CERS6: variants seen among roughly 807,000 people sequenced by gnomAD.
CERS6 encodes the protein LAG1 homolog, ceramide synthase 6.
Under a neutral mutation model 56.8 loss-of-function variants are expected in CERS6, and 26 were observed. The ratio of observed to expected loss-of-function variants is 0.46; its 90% CI spans 0.34 to 0.63. The LOEUF is 0.63. Among genes scored for constraint, CERS6 ranks in the 30% least tolerant of loss-of-function variants. The probability of loss-of-function intolerance (pLI) is 0.01; values close to 1 mark genes in which losing one functional copy is unlikely to be tolerated. For synonymous variants in CERS6, 164 were observed against 173.3 expected, an observed-to-expected ratio of 0.95 and a Z score of 0.42; for missense variants, 415 against 467.5, an observed-to-expected ratio of 0.89 and a Z score of 1.04.
chr2:168,647,847 C>T (rs1047867913), intron 4 of CERS6, among the ~76,000 whole-genome samples: 2 of 152,122 alleles, frequency 1.3e-5, no homozygotes, highest in African/African-American at 2.4e-5. Flanking sequence ...AACTTTGCAT[C>T]CCGGGGATGA....
chr2:168,718,192 T>G (rs1248359573), intron 8 of CERS6, among the ~76,000 whole-genome samples: 1 of 152,162 alleles, frequency 6.6e-6, no homozygotes, highest in South Asian at 2.1e-4. Context: ...GGATGTGGCT[T>G]GCATGGCTTC....
At chr2:168,743,214 A>ATG (rs111304857) in intron 8 of CERS6, among the ~76,000 whole-genome samples, 10,435 of 130,810 alleles carry the variant, frequency 0.08, 710 homozygotes, top group African/African-American at 0.18. Context: ...GTGTGTGTGT[A>ATG]TGTGTGTGTG....
At chr2:168,546,337 G>C (rs1327667890) in intron 1 of CERS6, among the ~76,000 whole-genome samples, 1 of 152,156 alleles carries the variant, frequency 6.6e-6, no homozygotes, top group Non-Finnish European at 1.5e-5. Context: ...ATCGGGAAGG[G>C]GTGATTCTTC....
chr2:168,699,155 C>T (rs968186787), intron 6 of CERS6, among the ~76,000 whole-genome samples: 8 of 152,118 alleles, frequency 5.3e-5, no homozygotes, highest in African/African-American at 9.7e-5. Context: ...ATCCTTATTC[C>T]GCCTCCATTT....
At chr2:168,713,511 CAG>C (rs1379336701) in intron 6 of CERS6, among the ~76,000 whole-genome samples, 3 of 152,112 alleles carry the variant, frequency 2.0e-5, no homozygotes, top group Non-Finnish European at 4.4e-5. Context: ...TTCTAAGCAA[CAG>C]AAATTCCATA....
intron 1 of CERS6, among the ~76,000 whole-genome samples, chr2:168,473,167 C>T (rs1694008193): frequency 6.6e-6 from 1 of 152,008 alleles, no homozygotes; most frequent in Admixed American, 6.6e-5. Flanking sequence ...ATCATCTTGT[C>T]TATAATCATT....
intron 1 of CERS6, among the ~76,000 whole-genome samples, chr2:168,461,235 C>CTA (rs1212370575): frequency 6.6e-6 from 1 of 152,134 alleles, no homozygotes. Flanking sequence ...ATGTTAAACC[C>CTA]TATAAGTGTT....
intron 1 of CERS6, among the ~76,000 whole-genome samples, chr2:168,546,979 G>A (rs556699168): frequency 6.6e-6 from 1 of 152,138 alleles, no homozygotes; most frequent in Non-Finnish European, 1.5e-5. Flanking sequence ...TTTTGTGGAT[G>A]TTCATAAACA....
At chr2:168,593,472 A>T (rs897320217) in intron 3 of CERS6, among the ~76,000 whole-genome samples, 1 of 152,188 alleles carries the variant, frequency 6.6e-6, no homozygotes, top group Non-Finnish European at 1.5e-5. Flanking sequence ...AAGAGGCATC[A>T]TGTACCTGCT....
chr2:168,768,168 A>G (rs1684769276), intron 9 of CERS6, among the ~76,000 whole-genome samples: 2 of 152,018 alleles, frequency 1.3e-5, no homozygotes, highest in African/African-American at 4.8e-5. Flanking sequence ...CATGTGACTT[A>G]GTGAGATTGA....
intron 4 of CERS6, among the ~76,000 whole-genome samples, chr2:168,654,923 G>A (rs1379504111): frequency 6.6e-6 from 1 of 152,226 alleles, no homozygotes; most frequent in Non-Finnish European, 1.5e-5. Flanking sequence ...TACATCTCAT[G>A]TACAACCAGG....
At chr2:168,535,668 A>C (rs1433495297) in intron 1 of CERS6, among the ~76,000 whole-genome samples, 1 of 71,978 alleles carries the variant, frequency 1.4e-5, no homozygotes, top group African/African-American at 3.9e-5. Context: ...TTTTGATACC[A>C]GTTTTTTTTT....
intron 4 of CERS6, among the ~76,000 whole-genome samples, chr2:168,666,728 A>G (rs1325278908): frequency 1.3e-5 from 2 of 152,206 alleles, no homozygotes; most frequent in African/African-American, 2.4e-5. Context: ...GAGAACCCAC[A>G]TTGAGAAGCA....
chr2:168,675,390 G>T (rs1049199471), intron 4 of CERS6, among the ~76,000 whole-genome samples: 1 of 152,120 alleles, frequency 6.6e-6, no homozygotes, highest in Admixed American at 6.5e-5. Context: ...TTCAAGACCA[G>T]ACTGGGCAAC....
At chr2:168,612,995 G>T (rs1313795549) in intron 3 of CERS6, among the ~76,000 whole-genome samples, 2 of 152,162 alleles carry the variant, frequency 1.3e-5, no homozygotes, top group African/African-American at 4.8e-5. Flanking sequence ...GTAAAGACTA[G>T]GTGTGTTGGG....
At chr2:168,744,082 T>G (rs1447588170) in intron 8 of CERS6, among the ~76,000 whole-genome samples, 1 of 143,002 alleles carries the variant, frequency 7.0e-6, no homozygotes, top group Non-Finnish European at 1.5e-5. Context: ...CTGGGCTCAC[T>G]GCAAGCTCCA....
intron 4 of CERS6, among the ~76,000 whole-genome samples, chr2:168,656,788 T>A (rs997140478): frequency 7.9e-5 from 12 of 152,162 alleles, no homozygotes; most frequent in Non-Finnish European, 1.5e-4. Context: ...TTTATTCTCT[T>A]ATCTGGCCCC....
At chr2:168,578,098 C>G (rs931155844) in intron 3 of CERS6, among the ~76,000 whole-genome samples, 4 of 151,816 alleles carry the variant, frequency 2.6e-5, no homozygotes, top group South Asian at 4.2e-4. Flanking sequence ...TTGGAGCCCT[C>G]GCTCAGATAT....
intron 3 of CERS6, among the ~76,000 whole-genome samples, chr2:168,622,923 AATTTAG>A (rs1684507459): frequency 6.6e-6 from 1 of 152,168 alleles, no homozygotes; most frequent in Non-Finnish European, 1.5e-5. Context: ...CTACTCTAGA[AATTTAG>A]ATTTTATGTC....
Sources: allele counts gnomAD v4.1 joint callset (sites outside exome capture counted in the v4.1 genomes callset), GRCh38; gene constraint gnomAD v4.1.1; transcripts MANE v1.5; gene names NCBI Gene and HGNC (gene_info 2026-07-23, HGNC 2026-07-21).